The following FAM241B variants were observed in gnomAD, a reference collection of about 807,000 sequenced individuals.
FAM241B encodes family with sequence similarity 241 member B, also known as protein FAM241B.
In FAM241B, 7 loss-of-function variants were observed where a neutral mutation model predicts 9.3. The ratio of observed to expected loss-of-function variants is 0.75; its 90% confidence interval spans 0.43 to 1.41. The LOEUF is 1.41. Among genes scored for constraint, FAM241B ranks in the 40% most tolerant of loss-of-function variants. The pLI is 0.01. For missense variants in FAM241B, 136 were observed against 159.6 expected (o/e 0.85, Z 0.80); for synonymous variants, 60 against 64.1 (o/e 0.94, Z 0.31).
rs1212576382 is a variant in FAM241B at position 69,632,856 on chromosome 10, G to T, written c.163G>T (p.Ala55Ser). The change falls in exon 4 of 4, where the codon GCC (alanine) becomes TCC (serine). Residue 55 changes from alanine (A) to serine (S), a missense_variant. Transcript: ENST00000373279. ...TGGCCCCCGCCAGCAGCAGGCAGGT[G>T]CCAGGCTGGGTGCTGCTCAGTCCCC... is the stretch of plus-strand genomic sequence containing the variant. ...GPGPRQQQAG[A>S]RLGAAQSPFN... The T allele has an allele frequency of 3.1e-6, 5 of 1,614,220 alleles. No individual in the cohort carries two copies. Among genetic ancestry groups the T allele is most frequent in the Non-Finnish European group, 4.2e-6 (5 of 1,180,050 alleles).
Position 69,631,560 on chromosome 10 carries a change from C to A in FAM241B, c.-36+13C>A. On this transcript the variant is annotated intron_variant, in intron 2 of 3. Transcript: ENST00000373279. The stretch of plus-strand genomic sequence containing the variant: ...CCCTCAATTTCTGGTAAATTTTTTC[C>A]TTCAAGCTTTTTGAGGTCAGGGGGA... The A allele has an allele frequency of 1.9e-6, 3 of 1,546,652 alleles. No homozygotes were observed. The highest frequency in any genetic ancestry group is 2.6e-6 in the Non-Finnish European group (3 of 1,144,932).
rs878989803 is a variant in FAM241B at position 69,632,816 on chromosome 10, T to A, written c.123T>A (p.Ala41=). 1 of 1,612,818 alleles carries A rather than the reference T, an allele frequency of 6.2e-7. No homozygotes were observed. The highest frequency in any genetic ancestry group is 8.5e-7 in the Non-Finnish European group (1 of 1,179,778). ...GCTTCTTCAACAGGGGCCATGGTGC[T>A]CCCCCAGGGGGTCCTGGCCCCCGCC... ...RQSFFNRGHG[A]PPGGPGPRQQ... is the part of the protein sequence containing the mutation. The change falls in exon 4 of 4, where the codon GCT becomes GCA. Residue 41 remains alanine, a synonymous_variant. Coordinates refer to ENST00000373279, the MANE Select transcript of FAM241B (RefSeq NM_145306.3).
chr10:69,630,823 C>T (rs769260192), intron 1 of FAM241B, among the ~76,000 whole-genome samples: 6 of 152,198 alleles, frequency 3.9e-5, no homozygotes, highest in African/African-American at 1.4e-4. Context: ...GCCCTGCGCC[C>T]GTTAGCCAAG....
At position 69,632,899 on chromosome 10, in the gene FAM241B, G is replaced by A. The variant is rs1299445178; in HGVS notation, c.206G>A (p.Arg69Gln). The change falls in exon 4 of 4, where the codon CGG becomes CAG. Residue 69 changes from arginine to glutamine, a missense_variant. By Grantham distance (43) the Arg-to-Gln change is conservative. Transcript: ENST00000373279. ...AAQSPFNDLN[R>Q]QLVNMGFPQW... ...CAGTCCCCCTTCAATGACCTCAACCGGCAGCTGGTGAACATGGGCTTTCCG... is the reference window on the plus strand; with the variant it reads ...CAGTCCCCCTTCAATGACCTCAACCAGCAGCTGGTGAACATGGGCTTTCCG... 4.3e-6 allele frequency: 7 copies of A among 1,614,062 alleles called. No homozygotes were observed. The African/African-American group carries it at 6.7e-5, about 15-fold the overall frequency.
chr10:69,631,919 C>G, intron 3 of FAM241B, 80 bp downstream of exon 3: 1 of 1,536,442 alleles, frequency 6.5e-7, no homozygotes. Flanking sequence ...GTCTCTCTTG[C>G]TGGTCACTAA....
At chr10:69,631,399 G>C (rs1839816712) in intron 1 of FAM241B, 81 bp from the exon 2 acceptor site, 1 of 1,189,632 alleles carries the variant, frequency 8.4e-7, no homozygotes, top group Admixed American at 2.3e-5. Flanking sequence ...CTTTTTGATA[G>C]TTTTCCTGGT....
chr10:69,631,576 G>C, intron 2 of FAM241B, 29 bp downstream of exon 2: 1 of 1,547,546 alleles, frequency 6.5e-7, no homozygotes, highest in South Asian at 1.2e-5. Flanking sequence ...GCTTTTTGAG[G>C]TCAGGGGGAA....
chr10:69,630,659 T>G, intron 1 of FAM241B: 1 of 1,298,908 alleles, frequency 7.7e-7, no homozygotes, highest in Non-Finnish European at 1.0e-6. Context: ...CTATCTGGAA[T>G]GTAGGTGGAC....
At position 69,631,527 on chromosome 10, in the gene FAM241B, G is replaced by A. The variant is rs1201983575; in HGVS notation, c.-56G>A. The A allele has an allele frequency of 6.5e-7, 1 of 1,540,900 alleles. No homozygotes were observed. Among genetic ancestry groups the A allele is most frequent in the East Asian group, 2.5e-5 (1 of 40,524 alleles). ...GTCACCTCTGTGAACATCACTGACTGCAAGCCTCCCTCAATTTCTGGTAAA... is the reference window on the plus strand; with the variant it reads ...GTCACCTCTGTGAACATCACTGACTACAAGCCTCCCTCAATTTCTGGTAAA... On this transcript the variant is annotated 5_prime_UTR_variant, in exon 2 of 4. Transcript: ENST00000373279.
chr10:69,631,038 C>T (rs1839809678), intron 1 of FAM241B, among the ~76,000 whole-genome samples: 1 of 152,200 alleles, frequency 6.6e-6, no homozygotes, highest in Non-Finnish European at 1.5e-5. Flanking sequence ...GGGGGAGCAA[C>T]ACACTCGACC....
At chr10:69,630,477 C>T in intron 1 of FAM241B, 164 bp downstream of exon 1, 1 of 283,342 alleles carries the variant, frequency 3.5e-6, no homozygotes, top group Non-Finnish European at 5.5e-6. Context: ...CGCGGGTGGC[C>T]CACCGGGCGG....
Position 69,632,996 on chromosome 10 carries a change from TG to T in FAM241B, c.305del (p.Gly102ValfsTer17). ...ILLLFLLMMLGVRGLLLVGLV... is the reference protein window; with the variant it reads ...ILLLFLLMMLXVRGLLLVGLV... The stretch of plus-strand genomic sequence containing the variant: ...TGCTCCTCTTCCTGCTCATGATGCT[TG>T]GTGTTCGTGGCCTCCTCCTGGTTGG... On this transcript the variant is annotated frameshift_variant, in exon 4 of 4. Coordinates refer to ENST00000373279, the MANE Select transcript of FAM241B (RefSeq NM_145306.3). LOFTEE classifies it high-confidence loss of function. The T allele has an allele frequency of 6.2e-7, 1 of 1,614,206 alleles. No homozygotes were observed. Among genetic ancestry groups the T allele is most frequent in the Non-Finnish European group, 8.5e-7 (1 of 1,180,042 alleles).
chr10:69,631,113 G>T (rs553026561), intron 1 of FAM241B, among the ~76,000 whole-genome samples: 1 of 152,340 alleles, frequency 6.6e-6, no homozygotes, highest in East Asian at 1.9e-4. Context: ...TCCCAGTTTA[G>T]TACCCAGGGA....
chr10:69,632,718 C>A (rs1026803860), intron 3 of FAM241B, 72 bp from the exon 4 acceptor site: 1 of 1,540,452 alleles, frequency 6.5e-7, no homozygotes, highest in Non-Finnish European at 8.8e-7. Flanking sequence ...AGGATGCAGC[C>A]TAGAGAGGTT....
Position 69,633,149 on chromosome 10 carries a change from G to C in FAM241B, c.*90G>C. The C allele has an allele frequency of 6.5e-7, 1 of 1,532,304 alleles. No homozygotes were observed. Among genetic ancestry groups the C allele is most frequent in the Non-Finnish European group, 8.9e-7 (1 of 1,128,322 alleles). The allele number at this position is 1,532,304 out of a possible 1,614,324, so 94.9% of individuals were successfully genotyped here. On this transcript the variant is annotated 3_prime_UTR_variant, in exon 4 of 4. Transcript: ENST00000373279. ...GCATATTTGGAGGGGATCTGGTGGTGCCTTGAAGGTATGATCAGAGAGGGG... is the reference window on the plus strand; with the variant it reads ...GCATATTTGGAGGGGATCTGGTGGTCCCTTGAAGGTATGATCAGAGAGGGG...
intron 3 of FAM241B, 95 bp downstream of exon 3, chr10:69,631,934 T>C: frequency 6.6e-7 from 1 of 1,507,406 alleles, no homozygotes; most frequent in Admixed American, 2.0e-5. Flanking sequence ...CACTAACCTT[T>C]TCTAGCCTGA....
At chr10:69,632,741 G>A (rs779915874) in intron 3 of FAM241B, 49 bp from the exon 4 acceptor site, 1 of 1,586,492 alleles carries the variant, frequency 6.3e-7, no homozygotes, top group Admixed American at 1.7e-5. Flanking sequence ...TTCCTGGCTG[G>A]TGCGTCAACC....
In FAM241B at chr10:69,632,834, C is replaced by T; in HGVS notation, c.141C>T (p.Gly47=). 1 of 1,613,168 alleles carries T rather than the reference C, an allele frequency of 6.2e-7. No individual in the cohort carries two copies. The highest frequency in any genetic ancestry group is 8.5e-7 in the Non-Finnish European group (1 of 1,179,220). Residue 47 remains glycine (G), a synonymous_variant, in exon 4 of 4, where the codon GGC becomes GGT. Coordinates refer to ENST00000373279, the MANE Select transcript of FAM241B (RefSeq NM_145306.3). The part of the protein sequence containing the change: ...RGHGAPPGGP[G]PRQQQAGARL... ...ATGGTGCTCCCCCAGGGGGTCCTGG[C>T]CCCCGCCAGCAGCAGGCAGGTGCCA...
At position 69,631,704 on chromosome 10, in the gene FAM241B, T is replaced by G; in HGVS notation, c.-35-5T>G. 6.2e-7 allele frequency: 1 copy of G among 1,601,026 alleles called. No individual in the cohort carries two copies. Among genetic ancestry groups the G allele is most frequent in the Non-Finnish European group, 8.5e-7 (1 of 1,174,224 alleles). Reference sequence around the variant, plus strand: ...TAGCCTGCCCACCCTGACCACACAATGCAGGTGCAGCCCATCAGGGACCCA... The same window carrying G: ...TAGCCTGCCCACCCTGACCACACAAGGCAGGTGCAGCCCATCAGGGACCCA... On this transcript the variant is annotated splice_polypyrimidine_tract_variant and splice_region_variant and intron_variant, in intron 2 of 3. Coordinates refer to ENST00000373279, the MANE Select transcript of FAM241B (RefSeq NM_145306.3).
Sources: allele counts gnomAD v4.1 joint callset (sites outside exome capture counted in the v4.1 genomes callset), GRCh38; gene constraint gnomAD v4.1.1; transcripts MANE v1.5; gene names NCBI Gene and HGNC (gene_info 2026-07-23, HGNC 2026-07-21).